The following NBEA variants were observed in gnomAD, a reference collection of about 807,000 sequenced individuals.
NBEA encodes neurobeachin, also known as lysosomal-trafficking regulator 2.
NBEA carries 44 observed loss-of-function variants against 343.4 expected under a neutral mutation model. The ratio of observed to expected loss-of-function variants is 0.13; its 90% confidence interval spans 0.10 to 0.16. NBEA has a LOEUF of 0.16. Among genes scored for constraint, NBEA ranks in the 10% least tolerant of loss-of-function variants. NBEA has a pLI of 1.00. For synonymous variants in NBEA, 1,175 were observed against 1,238.7 expected, an observed-to-expected ratio of 0.95 and a Z score of 1.08; for missense variants, 2,555 against 3,631.3, an observed-to-expected ratio of 0.70 and a Z score of 7.62.
intron 30 of NBEA, among the ~76,000 whole-genome samples, chr13:35,187,785 T>A (rs1393028360): frequency 6.6e-6 from 1 of 152,182 alleles, no homozygotes; most frequent in African/African-American, 2.4e-5. Context: ...GGGCCCTAGA[T>A]AAGATGACTA....
At chr13:35,181,406 A>G (rs1428642651) in intron 28 of NBEA, among the ~76,000 whole-genome samples, 3 of 151,708 alleles carry the variant, frequency 2.0e-5, no homozygotes, top group Non-Finnish European at 4.4e-5. Flanking sequence ...CATTTCCCTG[A>G]TAATTACTGA....
chr13:35,601,389 G>C (rs925568840), intron 47 of NBEA, among the ~76,000 whole-genome samples: 1 of 152,118 alleles, frequency 6.6e-6, no homozygotes, highest in Non-Finnish European at 1.5e-5. Context: ...TATTATGATG[G>C]GACATGCAAG....
At chr13:35,126,331 T>C (rs1296996362) in intron 17 of NBEA, among the ~76,000 whole-genome samples, 1 of 152,136 alleles carries the variant, frequency 6.6e-6, no homozygotes, top group East Asian at 1.9e-4. Flanking sequence ...CTCTTTCCTT[T>C]ATAAATTAGC....
chr13:35,155,455 C>A (rs1390668865), intron 18 of NBEA, among the ~76,000 whole-genome samples: 3 of 152,024 alleles, frequency 2.0e-5, no homozygotes, highest in African/African-American at 7.2e-5. Flanking sequence ...GAAACCCTGT[C>A]TCTACTAAAA....
intron 10 of NBEA, among the ~76,000 whole-genome samples, chr13:35,079,082 A>G (rs2064254304): frequency 6.6e-6 from 1 of 152,282 alleles, no homozygotes. Flanking sequence ...TTTTGGTAAA[A>G]TTTAGGGTAC....
intron 36 of NBEA, 90 bp downstream of exon 36, chr13:35,309,682 T>A (rs1199287322): frequency 1.5e-6 from 1 of 656,324 alleles, no homozygotes; most frequent in Non-Finnish European, 2.6e-6. Context: ...TCCAAAAATG[T>A]AGAAGAAAAT....
chr13:35,228,390 TTGTG>T (rs1449794619), intron 33 of NBEA, among the ~76,000 whole-genome samples: 1 of 152,006 alleles, frequency 6.6e-6, no homozygotes, highest in African/African-American at 2.4e-5. Context: ...TTTTTTTTAT[TTGTG>T]TAAATTTAAG....
At chr13:35,424,082 C>G (rs1464908465) in intron 38 of NBEA, among the ~76,000 whole-genome samples, 1 of 152,190 alleles carries the variant, frequency 6.6e-6, no homozygotes, top group Non-Finnish European at 1.5e-5. Flanking sequence ...GATATACAAT[C>G]ATGTCATCTA....
At chr13:35,521,765 G>A (rs892914966) in intron 41 of NBEA, among the ~76,000 whole-genome samples, 3 of 152,166 alleles carry the variant, frequency 2.0e-5, no homozygotes, top group African/African-American at 7.2e-5. Flanking sequence ...GTTCACCCTG[G>A]TCTAAATCAG....
intron 44 of NBEA, among the ~76,000 whole-genome samples, chr13:35,555,599 C>A (rs1420289954): frequency 6.6e-6 from 1 of 152,046 alleles, no homozygotes; most frequent in African/African-American, 2.4e-5. Flanking sequence ...TCAACCTTTG[C>A]AGTACCATGC....
chr13:35,621,631 G>A (rs73503132), intron 48 of NBEA, among the ~76,000 whole-genome samples: 4,600 of 152,176 alleles, frequency 0.03, 256 homozygotes, highest in African/African-American at 0.11. Context: ...CTAGAAGAGG[G>A]TCTGTCACAA....
rs180707119 is a variant in NBEA at position 35,617,805 on chromosome 13, A to G, written c.7450-10276A>G. Among the ~76,000 whole-genome samples the G allele has an allele frequency of 3.3e-5, 5 of 152,326 alleles. No homozygotes were observed. The East Asian group carries it at 9.6e-4, about 29-fold the overall frequency. On this transcript the variant is annotated intron_variant, in intron 48 of 58. Transcript: ENST00000379939. ...TGATCTCTTGCAGAAATAATGTCAGATATCTGTGTTAAAACTAAAAAGTTT... is the reference window on the plus strand; with the variant it reads ...TGATCTCTTGCAGAAATAATGTCAGGTATCTGTGTTAAAACTAAAAAGTTT...
rs115471599 is a variant in NBEA, at chr13:35,526,882, C to T, written c.6586-23595C>T. On this transcript the variant is annotated intron_variant, in intron 41 of 58. Coordinates refer to ENST00000379939, the MANE Select transcript of NBEA (RefSeq NM_001385012.1). ...GCTGGAACAGGCATACTGCAAGTGG[C>T]TTCAATGATGGGCACCGGGAAATGC... Among the ~76,000 whole-genome samples, 786 of 152,268 alleles carry T rather than the reference C, an allele frequency of 5.2e-3. 7 individuals are homozygous for T. The highest frequency in any genetic ancestry group is 0.018 in the African/African-American group (738 of 41,548).
At chr13:34,945,652 A>C (rs1204132603) in intron 1 of NBEA, among the ~76,000 whole-genome samples, 1 of 152,188 alleles carries the variant, frequency 6.6e-6, no homozygotes, top group Non-Finnish European at 1.5e-5. Flanking sequence ...GCCCTGAATG[A>C]CAGAAAAGAA....
chr13:35,111,708 A>T (rs2066216987), intron 13 of NBEA, among the ~76,000 whole-genome samples: 1 of 152,026 alleles, frequency 6.6e-6, no homozygotes, highest in Non-Finnish European at 1.5e-5. Context: ...TCTCTCATTT[A>T]TATATGTGTT....
intron 34 of NBEA, among the ~76,000 whole-genome samples, chr13:35,287,230 T>C (rs926861173): frequency 2.6e-5 from 4 of 152,028 alleles, no homozygotes; most frequent in African/African-American, 4.8e-5. Flanking sequence ...AGTGAACATA[T>C]ATATTTTCTG....
chr13:35,066,153 G>T (rs1264813580), intron 8 of NBEA, among the ~76,000 whole-genome samples: 1 of 152,060 alleles, frequency 6.6e-6, no homozygotes, highest in Non-Finnish European at 1.5e-5. Flanking sequence ...TGGAGACAGG[G>T]TCTTGCTCTG....
intron 1 of NBEA, among the ~76,000 whole-genome samples, 179 bp downstream of exon 1, chr13:34,943,293 AC>A (rs893563786): frequency 4.6e-5 from 7 of 151,418 alleles, no homozygotes; most frequent in Non-Finnish European, 7.4e-5. Flanking sequence ...GAGCCACGCC[AC>A]CTCCCTCCTC....
At chr13:35,330,164 T>C (rs1245737964) in intron 36 of NBEA, among the ~76,000 whole-genome samples, 2 of 151,852 alleles carry the variant, frequency 1.3e-5, no homozygotes, top group Non-Finnish European at 2.9e-5. Context: ...TCTGTTTCAG[T>C]TTTTTTTCTT....
Sources: gnomAD v4.1 joint callset for allele counts (sites outside exome capture counted in the v4.1 genomes callset) on GRCh38, gnomAD v4.1.1 for gene constraint, MANE v1.5 for transcripts, NCBI Gene and HGNC (gene_info 2026-07-23, HGNC 2026-07-21) for gene names.